The following RBFOX3 variants were observed in gnomAD, a reference collection of about 807,000 sequenced individuals.
RBFOX3 encodes the protein RNA binding protein fox-1 homolog 3.
In RBFOX3, 17 loss-of-function variants were observed where a neutral mutation model predicts 48.7. The observed-to-expected ratio is 0.35, with a 90% CI of 0.24 to 0.52. The LOEUF (loss-of-function observed/expected upper bound fraction) is 0.52, where lower values mean the gene tolerates loss of function less well. Among genes scored for constraint, RBFOX3 ranks in the 20% least tolerant of loss-of-function variants. RBFOX3 has a pLI of 0.94. For missense variants in RBFOX3, 382 were observed against 497.5 expected (o/e 0.77, Z 2.21); for synonymous variants, 212 against 209.5 (o/e 1.01, Z -0.10).
the RBFOX3 span, among the ~76,000 whole-genome samples, chr17:79,630,561 C>A: frequency 6.6e-6 from 1 of 152,104 alleles, no homozygotes; most frequent in East Asian, 1.9e-4. Context: ...TCTCCAAATG[C>A]CAGTGGAGCA....
rs1363466256 is a variant in RBFOX3 at position 79,509,272 on chromosome 17, G to A, written c.-319-26674C>T. Among the ~76,000 whole-genome samples the A allele has an allele frequency of 5.9e-5, 9 of 152,256 alleles. No individual in the cohort carries two copies. In the South Asian group the frequency reaches 6.2e-4, roughly 11 times the overall value. On this transcript the variant is annotated intron_variant, in intron 1 of 14. Coordinates refer to ENST00000693108, the MANE Select transcript of RBFOX3 (RefSeq NM_001350451.2). ...GGAGCGCCAGAGCCGGTGTTTCAGC[G>A]TGGGTGGCTGTCTCTCTCTAGGACG...
At chr17:79,573,728 A>G (rs1295427963) in intron 1 of RBFOX3, among the ~76,000 whole-genome samples, 1 of 151,940 alleles carries the variant, frequency 6.6e-6, no homozygotes, top group Non-Finnish European at 1.5e-5. Flanking sequence ...CTTCCTCTGG[A>G]ATGTTCTGTC....
chr17:79,132,785 GA>G (rs147675934), intron 4 of RBFOX3: 7,671 of 152,380 alleles, frequency 0.05, 313 homozygotes, highest in Non-Finnish European at 0.079. Context: ...GCGACATGAG[GA>G]AAGCCGCAAG....
intron 4 of RBFOX3, among the ~76,000 whole-genome samples, chr17:79,223,717 A>C (rs373833289): frequency 7.9e-5 from 12 of 151,480 alleles, no homozygotes; most frequent in African/African-American, 2.9e-4. Context: ...GGTGCAGGAC[A>C]CTCCCCCACC....
chr17:79,638,281 G>T, the RBFOX3 span, among the ~76,000 whole-genome samples: 1 of 142,338 alleles, frequency 7.0e-6, no homozygotes, highest in East Asian at 2.1e-4. Context: ...AAAACAATAG[G>T]TAAAATTAAC....
intron 4 of RBFOX3, among the ~76,000 whole-genome samples, chr17:79,217,631 A>G (rs1310875666): frequency 6.6e-6 from 1 of 152,074 alleles, no homozygotes; most frequent in Non-Finnish European, 1.5e-5. Flanking sequence ...AGGAAATGGC[A>G]TCTGGCTGTG....
At chr17:79,469,885 C>T (rs373196149) in intron 2 of RBFOX3, among the ~76,000 whole-genome samples, 198 of 152,230 alleles carry the variant, frequency 1.3e-3, no homozygotes, top group African/African-American at 4.1e-3. Flanking sequence ...CAAGGGAGAA[C>T]GTGCATGATG....
intron 1 of RBFOX3, among the ~76,000 whole-genome samples, chr17:79,508,323 A>T (rs543487906): frequency 1.3e-5 from 2 of 151,968 alleles, no homozygotes; most frequent in Admixed American, 1.3e-4. Context: ...CAGTGCTGCC[A>T]CCCCAGCCAC....
At chr17:79,409,786 G>C (rs1052155172) in intron 2 of RBFOX3, among the ~76,000 whole-genome samples, 1 of 152,240 alleles carries the variant, frequency 6.6e-6, no homozygotes, top group African/African-American at 2.4e-5. Context: ...GTCAGGCTGG[G>C]GGATGGGCAC....
chr17:79,370,976 G>A (rs2058454996), intron 2 of RBFOX3, among the ~76,000 whole-genome samples: 1 of 146,170 alleles, frequency 6.8e-6, no homozygotes, highest in Admixed American at 6.9e-5. Context: ...TGACTGGGAA[G>A]GCACCTTTCC....
chr17:79,629,953 T>C, the RBFOX3 span, among the ~76,000 whole-genome samples: 54,141 of 152,186 alleles, frequency 0.36, 10,063 homozygotes, highest in Admixed American at 0.48. Context: ...GGCCTGGCAG[T>C]GGTTTCCTCT....
chr17:79,114,192 T>C (rs572665670), intron 5 of RBFOX3, among the ~76,000 whole-genome samples: 1 of 152,290 alleles, frequency 6.6e-6, no homozygotes, highest in South Asian at 2.1e-4. Flanking sequence ...CCTGGGATCA[T>C]CTCTGTCTTT....
chr17:79,329,301 G>T (rs563272013), intron 2 of RBFOX3, among the ~76,000 whole-genome samples: 203 of 152,196 alleles, frequency 1.3e-3, no homozygotes, highest in Non-Finnish European at 2.2e-3. Context: ...ACTAGTGCTT[G>T]GTCCAGTGTA....
At chr17:79,664,450 C>T in the RBFOX3 span, among the ~76,000 whole-genome samples, 3 of 151,790 alleles carry the variant, frequency 2.0e-5, no homozygotes, top group Non-Finnish European at 4.4e-5. Context: ...GGGTTCACGC[C>T]ATTCTCCTGC....
chr17:79,405,577 TG>T (rs1400342843), intron 2 of RBFOX3, among the ~76,000 whole-genome samples: 1 of 152,042 alleles, frequency 6.6e-6, no homozygotes, highest in African/African-American at 2.4e-5. Context: ...AAAAATTAGC[TG>T]GGTGTGGTGG....
At chr17:79,333,905 TCTC>T (rs1323698242) in intron 2 of RBFOX3, among the ~76,000 whole-genome samples, 1 of 151,992 alleles carries the variant, frequency 6.6e-6, no homozygotes, top group Non-Finnish European at 1.5e-5. Context: ...TGCCGAGGTG[TCTC>T]CTCTGTCTCC....
intron 1 of RBFOX3, among the ~76,000 whole-genome samples, chr17:79,498,285 A>T (rs1444480667): frequency 1.3e-5 from 2 of 152,128 alleles, no homozygotes; most frequent in Non-Finnish European, 2.9e-5. Context: ...CTTACAATCC[A>T]ACAGAAGAAT....
At chr17:79,165,129 G>A (rs936898759) in intron 4 of RBFOX3, among the ~76,000 whole-genome samples, 4 of 152,116 alleles carry the variant, frequency 2.6e-5, no homozygotes, top group Non-Finnish European at 4.4e-5. Flanking sequence ...GATGAGAGGC[G>A]GGAGACATGG....
Position 79,480,803 on chromosome 17 carries a change from C to A in RBFOX3, c.-175+1651G>T, listed in dbSNP as rs987536188. Among the ~76,000 whole-genome samples the A allele has an allele frequency of 6.6e-6, 1 of 152,210 alleles. No individual in the cohort carries two copies. The highest frequency in any genetic ancestry group is 2.1e-4 in the South Asian group (1 of 4,836). On this transcript the variant is annotated intron_variant, in intron 2 of 14. Transcript: ENST00000693108. This position sits in a 1 kb window ranked among gnomAD's most constrained non-coding sequence, Gnocchi z 4.8. ...GGCAACTGCAGCCCCCACCATTCCC[C>A]GTGGTCTTAATGCACTGCATTTATC...
Sources: gnomAD v4.1 joint callset for allele counts (sites outside exome capture counted in the v4.1 genomes callset) on GRCh38, gnomAD v4.1.1 for gene constraint, Gnocchi (gnomAD v3.1) non-coding constraint, MANE v1.5 for transcripts, NCBI Gene and HGNC (gene_info 2026-07-23, HGNC 2026-07-21) for gene names.